RBM14: variants seen among roughly 807,000 people sequenced by gnomAD.
RBM14 encodes RNA binding motif protein 14, also known as RNA-binding protein 14.
Under a neutral mutation model 52.8 loss-of-function variants are expected in RBM14, and 5 were observed. The ratio of observed to expected loss-of-function variants is 0.09; its 90% CI spans 0.05 to 0.20. The LOEUF (loss-of-function observed/expected upper bound fraction) is 0.20, where lower values mean the gene tolerates loss of function less well. Ranked by LOEUF, RBM14 falls within the 10% of genes least tolerant of loss-of-function variation. The probability of loss-of-function intolerance (pLI) is 1.00; values close to 1 mark genes in which losing one functional copy is unlikely to be tolerated. For synonymous variants in RBM14, 411 were observed against 401.8 expected (o/e 1.02, Z -0.28); for missense variants, 780 against 926.6 (o/e 0.84, Z 2.05).
rs557917363 is a variant in RBM14, at chr11:66,628,674, C to T, written c.*2006C>T. 3.3e-5 allele frequency among the ~76,000 whole-genome samples: 5 copies of T among 152,132 alleles called. No individual in the cohort carries two copies. Among genetic ancestry groups the T allele is most frequent in the African/African-American group, 4.8e-5 (2 of 41,490 alleles). ...ATTTTGATAAGTTTCTTGTTCTCTG[C>T]GTGGTGATGGGGTGGTCTGAGGGCC... On this transcript the variant is annotated 3_prime_UTR_variant, in exon 3 of 3. Transcript: ENST00000310137.
intron 1 of RBM14, among the ~76,000 whole-genome samples, chr11:66,620,586 G>A (rs1288988819): frequency 6.6e-6 from 1 of 152,164 alleles, no homozygotes; most frequent in African/African-American, 2.4e-5. Flanking sequence ...ACAGGTGTGA[G>A]CCACCATGCC....
Position 66,624,811 on chromosome 11 carries a change from C to T in RBM14, c.935C>T (p.Ala312Val), listed in dbSNP as rs1937711338. ...CCATATGGTGGAGCCCAGCCCTCAG[C>T]CTCGGCCCTTTCCTCCTATGGGGGT... ...LGPYGGAQPS[A>V]SALSSYGGQA... Residue 312 changes from alanine (A) to valine (V), a missense_variant, in exon 2 of 3, where the codon GCC (alanine) becomes GTC (valine). Around this residue, in one of 4 missense-constraint regions of RBM14, gnomAD observed 675 missense variants for 697.3 expected, o/e 0.97. Transcript: ENST00000310137. This position sits in a 1 kb window ranked among gnomAD's most constrained non-coding sequence, Gnocchi z 4.7. The T allele has an allele frequency of 1.2e-6, 2 of 1,614,126 alleles. No homozygotes were observed. Among genetic ancestry groups the T allele is most frequent in the Non-Finnish European group, 1.7e-6 (2 of 1,179,990 alleles).
rs566072289 is a variant in RBM14 at position 66,616,666 on chromosome 11, G to T, written c.-55G>T. 3.7e-5 allele frequency: 56 copies of T among 1,519,960 alleles called. No individual in the cohort carries two copies. The highest frequency in any genetic ancestry group is 1.5e-4 in the African/African-American group (11 of 71,862). 94.2% of individuals were successfully genotyped at this position (1,519,960 alleles called of 1,614,324 possible). A position where few individuals can be genotyped will look rare whatever the true frequency, so the allele number is the denominator to read the frequency against. On this transcript the variant is annotated 5_prime_UTR_variant, in exon 1 of 3. Coordinates refer to ENST00000310137, the MANE Select transcript of RBM14 (RefSeq NM_006328.4). ...GGACTGCCGGTCGTTCGGACGTCTTGCCTGTCGCTGGAGGAGAGGTCCGGG... is the reference window on the plus strand; with the variant it reads ...GGACTGCCGGTCGTTCGGACGTCTTTCCTGTCGCTGGAGGAGAGGTCCGGG...
intron 1 of RBM14, chr11:66,619,045 A>G (rs903954516): frequency 6.4e-6 from 1 of 155,882 alleles, no homozygotes; most frequent in Non-Finnish European, 1.4e-5. Flanking sequence ...AGCTCCTGAC[A>G]TACTTCGATG....
At position 66,625,166 on chromosome 11, in the gene RBM14, T is replaced by C. The variant is rs1192649206; in HGVS notation, c.1290T>C (p.Ala430=). Reference sequence around the variant, plus strand: ...CTGCTTCCTACTCTTCCCAACCTGCTGCCTATGTGGCACAGCCAGCCACAG... The same window carrying C: ...CTGCTTCCTACTCTTCCCAACCTGCCGCCTATGTGGCACAGCCAGCCACAG... The part of the protein sequence containing the change: ...QQAASYSSQP[A]AYVAQPATAA... Residue 430 remains alanine (A), a synonymous_variant, in exon 2 of 3, where the codon GCT becomes GCC. Coordinates refer to ENST00000310137, the MANE Select transcript of RBM14 (RefSeq NM_006328.4). The surrounding 1 kb of genome is among the most constrained non-coding windows in gnomAD (Gnocchi z 4.2). The C allele has an allele frequency of 6.2e-7, 1 of 1,612,624 alleles. No homozygotes were observed. Among genetic ancestry groups the C allele is most frequent in the South Asian group, 1.1e-5 (1 of 91,090 alleles).
At chr11:66,619,395 C>A (rs1202887624) in intron 1 of RBM14, 1 of 152,128 alleles carries the variant, frequency 6.6e-6, no homozygotes, top group Non-Finnish European at 1.5e-5. Context: ...TGTAACCACT[C>A]CACAGCTTCC....
intron 1 of RBM14, among the ~76,000 whole-genome samples, chr11:66,620,223 G>T (rs2135008211): frequency 6.6e-6 from 1 of 152,242 alleles, no homozygotes; most frequent in South Asian, 2.1e-4. Context: ...CCAGTGTCAG[G>T]CTTAGAAACT....
intron 1 of RBM14, among the ~76,000 whole-genome samples, chr11:66,618,125 C>T (rs1327417868): frequency 1.3e-5 from 2 of 152,158 alleles, no homozygotes; most frequent in African/African-American, 4.8e-5. Flanking sequence ...AGCTCTTTAT[C>T]TTTTACATTG....
intron 1 of RBM14, among the ~76,000 whole-genome samples, chr11:66,617,920 G>A (rs944962462): frequency 6.6e-6 from 1 of 152,148 alleles, no homozygotes; most frequent in South Asian, 2.1e-4. Flanking sequence ...AGGGGGTCCT[G>A]GGGAGGGGTC....
intron 1 of RBM14, chr11:66,618,559 A>G: frequency 2.8e-6 from 2 of 717,346 alleles, no homozygotes; most frequent in Non-Finnish European, 5.2e-6. Context: ...GGCAGGCTGT[A>G]TGGTGCATGG....
At position 66,617,050 on chromosome 11, in the gene RBM14, G is replaced by A; in HGVS notation, c.330G>A (p.Val110=). ...GCGGACGCGTCATCGAGTGTGACGT[G>A]GTGAAAGGTAACGCGGAGGCGCGCT... ...ERRGRVIECD[V]VKDYAFVHME... is the part of the protein sequence containing the mutation. The change falls in exon 1 of 3, where the codon GTG becomes GTA. Residue 110 remains valine (V), a synonymous_variant. Transcript: ENST00000310137. 1 of 1,584,374 alleles carries A rather than the reference G, an allele frequency of 6.3e-7. No individual in the cohort carries two copies. The highest frequency in any genetic ancestry group is 8.6e-7 in the Non-Finnish European group (1 of 1,162,330).
chr11:66,619,505 G>C (rs1228910527), intron 1 of RBM14: 1 of 151,990 alleles, frequency 6.6e-6, no homozygotes, highest in African/African-American at 2.4e-5. Flanking sequence ...CTTCATTTTT[G>C]TGAGTGACTG....
At chr11:66,617,623 C>T in intron 1 of RBM14, 1 of 948,704 alleles carries the variant, frequency 1.1e-6, no homozygotes, top group South Asian at 4.8e-5. Flanking sequence ...CTCATGGGCA[C>T]AGTTACACGT....
At chr11:66,623,060 C>T (rs1187155323) in intron 1 of RBM14, among the ~76,000 whole-genome samples, 2 of 152,196 alleles carry the variant, frequency 1.3e-5, no homozygotes, top group Non-Finnish European at 2.9e-5. Flanking sequence ...TTGAGACCGG[C>T]ATCCTGTCTT....
Position 66,626,830 on chromosome 11 carries a change from C to G in RBM14, c.*162C>G. On this transcript the variant is annotated 3_prime_UTR_variant, in exon 3 of 3. Coordinates refer to ENST00000310137, the MANE Select transcript of RBM14 (RefSeq NM_006328.4). Reference sequence around the variant, plus strand: ...CCAGGAGATGATCCTGTTAAGTGTTCGGCAGTAACCTACTTTGTTCCTTCG... The same window carrying G: ...CCAGGAGATGATCCTGTTAAGTGTTGGGCAGTAACCTACTTTGTTCCTTCG... 1.4e-6 allele frequency: 1 copy of G among 694,042 alleles called. No individual in the cohort carries two copies. Among genetic ancestry groups the G allele is most frequent in the Non-Finnish European group, 2.3e-6 (1 of 426,858 alleles). The allele number at this position is 694,042 out of a possible 1,614,324, so 43.0% of individuals were successfully genotyped here.
rs1178283093 is a variant in RBM14 at position 66,624,799 on chromosome 11, C to T, written c.923C>T (p.Ala308Val). 2 of 1,614,136 alleles carry T rather than the reference C, an allele frequency of 1.2e-6. No individual in the cohort carries two copies. The highest frequency in any genetic ancestry group is 3.3e-5 in the Admixed American group (2 of 60,022). The change falls in exon 2 of 3, where the codon GCC (alanine) becomes GTC (valine). Residue 308 changes from alanine (A) to valine (V), a missense_variant. Transcript: ENST00000310137. The surrounding 1 kb of genome is among the most constrained non-coding windows in gnomAD (Gnocchi z 4.7). ...AASSLGPYGGAQPSASALSSY... is the reference protein window; with the variant it reads ...AASSLGPYGGVQPSASALSSY... ...TCTTCACTCGGCCCATATGGTGGAG[C>T]CCAGCCCTCAGCCTCGGCCCTTTCC...
rs370761611 is a variant in RBM14 at position 66,616,675 on chromosome 11, T to C, written c.-46T>C. On this transcript the variant is annotated 5_prime_UTR_variant, in exon 1 of 3. Coordinates refer to ENST00000310137, the MANE Select transcript of RBM14 (RefSeq NM_006328.4). Reference sequence around the variant, plus strand: ...GTCGTTCGGACGTCTTGCCTGTCGCTGGAGGAGAGGTCCGGGCTCTCCAGG... The same window carrying C: ...GTCGTTCGGACGTCTTGCCTGTCGCCGGAGGAGAGGTCCGGGCTCTCCAGG... 1.3e-6 allele frequency: 2 copies of C among 1,535,068 alleles called. No homozygotes were observed. Among genetic ancestry groups the C allele is most frequent in the East Asian group, 2.3e-5 (1 of 43,702 alleles).
chr11:66,617,316 C>T (rs1858884053), intron 1 of RBM14: 1 of 1,314,326 alleles, frequency 7.6e-7, no homozygotes. Context: ...CGGGGACGCG[C>T]CTGAGAGCCT....
At chr11:66,618,763 A>G (rs1858962270) in intron 1 of RBM14, among the ~76,000 whole-genome samples, 1 of 152,212 alleles carries the variant, frequency 6.6e-6, no homozygotes, top group Non-Finnish European at 1.5e-5. Context: ...CTGAAGGGAC[A>G]GTCTCCCTGG....
Sources: gnomAD v4.1 joint callset for allele counts (sites outside exome capture counted in the v4.1 genomes callset) on GRCh38, gnomAD v4.1.1 for gene constraint, gnomAD v4.1.1 regional missense constraint, Gnocchi (gnomAD v3.1) non-coding constraint, MANE v1.5 for transcripts, NCBI Gene and HGNC (gene_info 2026-07-23, HGNC 2026-07-21) for gene names.